SLC20A2: variants seen among roughly 807,000 people sequenced by gnomAD.
The protein encoded by SLC20A2 is sodium-dependent phosphate transporter 2.
In SLC20A2, 30 loss-of-function variants were observed where a neutral mutation model predicts 61.0. The ratio of observed to expected loss-of-function variants is 0.49; its 90% confidence interval spans 0.37 to 0.67. The LOEUF (loss-of-function observed/expected upper bound fraction) is 0.67. Among genes scored for constraint, SLC20A2 ranks in the 30% least tolerant of loss-of-function variants. SLC20A2 has a pLI of 0.00. For synonymous variants in SLC20A2, 351 were observed against 353.3 expected (o/e 0.99, Z 0.07); for missense variants, 626 against 866.4 (o/e 0.72, Z 3.48).
chr8:42,515,756 A>G (rs1811290452), intron 1 of SLC20A2, among the ~76,000 whole-genome samples: 1 of 152,210 alleles, frequency 6.6e-6, no homozygotes, highest in African/African-American at 2.4e-5. Flanking sequence ...ACAGGGGTCT[A>G]AGATACAGGG....
At chr8:42,454,548 C>T (rs545150213) in intron 5 of SLC20A2, among the ~76,000 whole-genome samples, 8 of 151,990 alleles carry the variant, frequency 5.3e-5, no homozygotes, top group South Asian at 4.2e-4. Flanking sequence ...CAGAACCTAA[C>T]GCTAACTTCA....
chr8:42,431,123 G>A (rs760081290), intron 8 of SLC20A2, among the ~76,000 whole-genome samples: 1 of 152,240 alleles, frequency 6.6e-6, no homozygotes, highest in Non-Finnish European at 1.5e-5. Flanking sequence ...GCTTAGTGAG[G>A]AAGGCATGTC....
chr8:42,479,883 A>G lies in SLC20A2; in HGVS notation c.-264-7229T>C, dbSNP rs1392529131. 2.6e-5 allele frequency among the ~76,000 whole-genome samples: 4 copies of G among 152,238 alleles called. No individual in the cohort carries two copies. The East Asian group carries it at 7.7e-4, about 29-fold the overall frequency. ...CTCACCAGGCCAGGTCAGATGCACG[A>G]CAACTCCAGGGCTCTAGATTGTGAA... On this transcript the variant is annotated intron_variant, in intron 1 of 10. Coordinates refer to ENST00000520262, the MANE Select transcript of SLC20A2 (RefSeq NM_001257180.2).
chr8:42,480,638 A>G (rs1014116351), intron 1 of SLC20A2: 4 of 152,118 alleles, frequency 2.6e-5, no homozygotes, highest in Non-Finnish European at 5.9e-5. Flanking sequence ...GGAGTCTTCT[A>G]CTATATTCCA....
chr8:42,456,752 A>AAAACC (rs1563480082), intron 5 of SLC20A2, among the ~76,000 whole-genome samples: 2 of 123,110 alleles, frequency 1.6e-5, no homozygotes, highest in Non-Finnish European at 1.7e-5. Flanking sequence ...AAAAAAAAAA[A>AAAACC]AAACAAGGAC....
At chr8:42,471,772 T>C (rs1184981684) in intron 2 of SLC20A2, among the ~76,000 whole-genome samples, 1 of 152,218 alleles carries the variant, frequency 6.6e-6, no homozygotes, top group Non-Finnish European at 1.5e-5. Flanking sequence ...CACATTCACT[T>C]AGACAACCTT....
rs1335291158 is a variant in SLC20A2 at position 42,522,757 on chromosome 8, T to G, written c.-265+19064A>C. 3.3e-5 allele frequency among the ~76,000 whole-genome samples: 2 copies of G among 60,388 alleles called. 1 individual carries two copies. Among genetic ancestry groups the G allele is most frequent in the Non-Finnish European group, 1.1e-4 (2 of 17,394 alleles). 39.6% of individuals were successfully genotyped at this position (60,388 alleles called of 152,430 possible). On this transcript the variant is annotated intron_variant, in intron 1 of 10. Transcript: ENST00000342228. ...ACTTGTTCTGTCACCCAGGTTGGAG[T>G]GTGGTGGTGCGAGCATGGCTCACTA...
chr8:42,460,527 G>A lies in SLC20A2; in HGVS notation c.517-535C>T, dbSNP rs144725534. Among the ~76,000 whole-genome samples the A allele has an allele frequency of 7.6e-3, 1,163 of 152,282 alleles. 17 individuals are homozygous for A. Among genetic ancestry groups the A allele is most frequent in the African/African-American group, 0.026 (1,097 of 41,564 alleles). On this transcript the variant is annotated intron_variant, in intron 4 of 10. Transcript: ENST00000520262. ...CAATGCATCTTAGCTATGTTACCAT[G>A]TGCTATGAATTTCCGAATCTTTTCC...
chr8:42,485,244 C>G (rs1005145707), intron 1 of SLC20A2, among the ~76,000 whole-genome samples: 2 of 152,098 alleles, frequency 1.3e-5, no homozygotes, highest in African/African-American at 4.8e-5. Flanking sequence ...GGTACACTCA[C>G]GGGGTAATGG....
At chr8:42,464,141 T>C (rs1393667029) in intron 3 of SLC20A2, among the ~76,000 whole-genome samples, 10 of 119,364 alleles carry the variant, frequency 8.4e-5, no homozygotes, top group Non-Finnish European at 1.6e-4. Flanking sequence ...GGTCTTGCTC[T>C]GTCACCCAGG....
At chr8:42,506,906 A>G (rs77414870) in intron 1 of SLC20A2, among the ~76,000 whole-genome samples, 2 of 152,318 alleles carry the variant, frequency 1.3e-5, no homozygotes, top group Non-Finnish European at 2.9e-5. Context: ...GTGCTGGTGC[A>G]TGGGGGCTCA....
chr8:42,451,029 A>C (rs112198556), intron 5 of SLC20A2, among the ~76,000 whole-genome samples: 10,291 of 152,192 alleles, frequency 0.068, 1,114 homozygotes, highest in African/African-American at 0.23. Context: ...CATGGAAGAA[A>C]GAGGCCTTCT....
intron 1 of SLC20A2, among the ~76,000 whole-genome samples, chr8:42,527,103 C>CA (rs754342907): frequency 0.068 from 7,816 of 114,376 alleles, 324 homozygotes; most frequent in African/African-American, 0.12. Flanking sequence ...GAGCCTGTCT[C>CA]AAAAAAAAAA....
At chr8:42,460,042 T>C in intron 4 of SLC20A2, 50 bp from the exon 5 acceptor site, 2 of 1,056,918 alleles carry the variant, frequency 1.9e-6, no homozygotes, top group African/African-American at 1.6e-5. Flanking sequence ...CCAGCAGCAT[T>C]TGGAGCCAAC....
intron 10 of SLC20A2, among the ~76,000 whole-genome samples, chr8:42,425,173 G>T (rs1397374296): frequency 1.3e-5 from 2 of 152,114 alleles, no homozygotes; most frequent in Non-Finnish European, 2.9e-5. Context: ...CTTATTTCCT[G>T]CCAAGTCCCC....
At chr8:42,468,741 G>A (rs931386987) in intron 2 of SLC20A2, among the ~76,000 whole-genome samples, 4 of 152,086 alleles carry the variant, frequency 2.6e-5, no homozygotes, top group Admixed American at 6.6e-5. Context: ...GGAGGCTGCC[G>A]GGCGGGGGTG....
chr8:42,426,514 G>A (rs537444112), intron 10 of SLC20A2, among the ~76,000 whole-genome samples: 11 of 152,140 alleles, frequency 7.2e-5, no homozygotes, highest in Non-Finnish European at 1.6e-4. Context: ...TTGCCAACAT[G>A]GTGAAGCCAT....
intron 1 of SLC20A2, among the ~76,000 whole-genome samples, chr8:42,532,947 G>C (rs915865484): frequency 6.6e-6 from 1 of 152,160 alleles, no homozygotes; most frequent in African/African-American, 2.4e-5. Flanking sequence ...TCATGGAGAA[G>C]GGAGGGAGTA....
chr8:42,501,768 A>T (rs1241847563), upstream of SLC20A2, among the ~76,000 whole-genome samples: 1 of 152,232 alleles, frequency 6.6e-6, no homozygotes, highest in African/African-American at 2.4e-5. Flanking sequence ...AACTGAGAAT[A>T]AACATCTCAA....
Sources: allele counts gnomAD v4.1 joint callset (sites outside exome capture counted in the v4.1 genomes callset), GRCh38; gene constraint gnomAD v4.1.1; transcripts MANE v1.5; gene names NCBI Gene and HGNC (gene_info 2026-07-23, HGNC 2026-07-21).